TIMP2: variants seen among roughly 807,000 people sequenced by gnomAD.
The protein encoded by TIMP2 is metalloproteinase inhibitor 2.
Under a neutral mutation model 24.3 loss-of-function variants are expected in TIMP2, and 5 were observed. The ratio of observed to expected loss-of-function variants is 0.21; its 90% confidence interval spans 0.11 to 0.43. The LOEUF (loss-of-function observed/expected upper bound fraction) is 0.43. Ranked by LOEUF, TIMP2 falls within the 20% of genes least tolerant of loss-of-function variation. The probability of loss-of-function intolerance (pLI) is 1.00; values close to 1 mark genes in which losing one functional copy is unlikely to be tolerated. For missense variants in TIMP2, 221 were observed against 297.5 expected, an observed-to-expected ratio of 0.74 and a Z score of 1.89; for synonymous variants, 130 against 123.2, an observed-to-expected ratio of 1.06 and a Z score of -0.37.
Position 78,857,602 on chromosome 17 carries a change from A to G in TIMP2, c.385T>C (p.Phe129Leu). 6.2e-7 allele frequency: 1 copy of G among 1,614,180 alleles called. No individual in the cohort carries two copies. The highest frequency in any genetic ancestry group is 8.5e-7 in the Non-Finnish European group (1 of 1,180,034). ...DGKMHITLCD[F>L]IVPWDTLSTT... is the part of the protein sequence containing the mutation. ...CTCAGGGTGTCCCAGGGCACGATGA[A>G]GTCACAGAGGGTGATGTGCATCTTG... Residue 129 changes from phenylalanine (F) to leucine (L), a missense_variant, in exon 4 of 5, where the codon TTC (phenylalanine) becomes CTC (leucine). Phe to Leu is a conservative substitution (Grantham distance 22, BLOSUM62 0). Transcript: ENST00000262768.
At position 78,854,157 on chromosome 17, in the gene TIMP2, C is replaced by A. The variant is rs1419773605; in HGVS notation, c.*1510G>T. On this transcript the variant is annotated 3_prime_UTR_variant, in exon 5 of 5. Coordinates refer to ENST00000262768, the MANE Select transcript of TIMP2 (RefSeq NM_003255.5). ...CTAAGGTGGCTTTGGAAGCATTTTG[C>A]AAGACCACGCCCAGGCCGCCAAGCT... 6.6e-6 allele frequency: 1 copy of A among 152,094 alleles called. No individual in the cohort carries two copies. The highest frequency in any genetic ancestry group is 2.4e-5 in the African/African-American group (1 of 41,416). The allele number at this position is 152,094 out of a possible 1,614,324, so 9.4% of individuals were successfully genotyped here.
chr17:78,881,548 A>C (rs1023394055), intron 1 of TIMP2, among the ~76,000 whole-genome samples: 1 of 152,272 alleles, frequency 6.6e-6, no homozygotes, highest in South Asian at 2.1e-4. Flanking sequence ...CGTAGACGCA[A>C]ACGCGGTAAC....
At position 78,893,260 on chromosome 17, in the gene TIMP2, G is replaced by GGGGTGTGTGTGTAGGGGTGTGCGGGCAA. The variant is rs1491133899; in HGVS notation, c.131-19369_131-19342dup. Among the ~76,000 whole-genome samples the GGGGTGTGTGTGTAGGGGTGTGCGGGCAA allele has an allele frequency of 1.3e-3, 182 of 138,758 alleles. 1 individual carries two copies. The highest frequency in any genetic ancestry group is 4.9e-3 in the African/African-American group (174 of 35,554). 91.0% of individuals were successfully genotyped at this position (138,758 alleles called of 152,430 possible). ...ATGTGTGTGTAGGAGTGTGTGTGCA[G>GGGGTGTGTGTGTAGGGGTGTGCGGGCAA]GGGTGTGTGTGTAGGGGTGTGCGGG... On this transcript the variant is annotated intron_variant, in intron 1 of 4. Coordinates refer to ENST00000262768, the MANE Select transcript of TIMP2 (RefSeq NM_003255.5).
chr17:78,854,927 G>A lies in TIMP2; in HGVS notation c.*740C>T, dbSNP rs9905232. The A allele has an allele frequency of 7.8e-6, 1 of 127,918 alleles. No individual in the cohort carries two copies. The highest frequency in any genetic ancestry group is 1.7e-5 in the Non-Finnish European group (1 of 58,830). The allele number at this position is 127,918 out of a possible 1,614,324, so 7.9% of individuals were successfully genotyped here. A position where few individuals can be genotyped will look rare whatever the true frequency, so the allele number is the denominator to read the frequency against. On this transcript the variant is annotated 3_prime_UTR_variant, in exon 5 of 5. Transcript: ENST00000262768. ...AAGCTGGGGAGCATGTGGGCGGGGGGGGGGGGGTGGGGGGGTGGGTGCAGA... is the reference window on the plus strand; with the variant it reads ...AAGCTGGGGAGCATGTGGGCGGGGGAGGGGGGGTGGGGGGGTGGGTGCAGA...
chr17:78,910,888 A>T (rs1046610521), intron 1 of TIMP2, among the ~76,000 whole-genome samples: 1 of 152,146 alleles, frequency 6.6e-6, no homozygotes, highest in Admixed American at 6.5e-5. Context: ...GGTTGATTCC[A>T]TATCTTGGCT....
intron 1 of TIMP2, chr17:78,890,646 T>C (rs2069873237): frequency 1.9e-6 from 3 of 1,549,940 alleles, no homozygotes; most frequent in Non-Finnish European, 2.6e-6. Context: ...ATTTAGCATA[T>C]GTTCTGAAAC....
chr17:78,893,484 T>TGCAGGGGTGTGTGCGC (rs892891380), intron 1 of TIMP2, among the ~76,000 whole-genome samples: 3 of 150,942 alleles, frequency 2.0e-5, no homozygotes, highest in Non-Finnish European at 4.4e-5. Flanking sequence ...GCGGTGTGTG[T>TGCAGGGGTGTGTGCGC]GCAGGGGTGT....
intron 1 of TIMP2, among the ~76,000 whole-genome samples, chr17:78,902,146 G>A (rs1022509133): frequency 4.6e-5 from 7 of 152,136 alleles, no homozygotes; most frequent in Admixed American, 4.6e-4. Context: ...TCACTATGTT[G>A]CCCAGGCTGG....
At position 78,858,346 on chromosome 17, in the gene TIMP2, G is replaced by C. The variant is rs553498033; in HGVS notation, c.341-700C>G. Among the ~76,000 whole-genome samples, 793 of 152,012 alleles carry C rather than the reference G, an allele frequency of 5.2e-3. 8 individuals are homozygous for C. The highest frequency in any genetic ancestry group is 0.018 in the African/African-American group (745 of 41,462). ...TAGTCCCAGCTACTCAGGAGGCTGA[G>C]GTAGGAGAATGGCGTGAACCCGGGA... On this transcript the variant is annotated intron_variant, in intron 3 of 4. Coordinates refer to ENST00000262768, the MANE Select transcript of TIMP2 (RefSeq NM_003255.5).
chr17:78,894,517 TG>T (rs904683525), intron 1 of TIMP2, among the ~76,000 whole-genome samples: 14 of 152,162 alleles, frequency 9.2e-5, no homozygotes, highest in African/African-American at 3.4e-4. Context: ...TTGAGATTTT[TG>T]ACAAAGGTGC....
At chr17:78,893,995 T>C (rs1019782854) in intron 1 of TIMP2, among the ~76,000 whole-genome samples, 4 of 152,166 alleles carry the variant, frequency 2.6e-5, no homozygotes, top group African/African-American at 9.7e-5. Flanking sequence ...CCTTCCCTTC[T>C]TTCATCTTAG....
intron 1 of TIMP2, among the ~76,000 whole-genome samples, chr17:78,880,942 G>A (rs1238145397): frequency 6.6e-6 from 1 of 152,186 alleles, no homozygotes; most frequent in Non-Finnish European, 1.5e-5. Flanking sequence ...CTCTCCCCGG[G>A]GCACTCCACA....
Position 78,896,403 on chromosome 17 carries a change from C to T in TIMP2, c.131-22484G>A, listed in dbSNP as rs1370744236. ...GTCTCTCCAGCCCTGCCAGACAGGA[C>T]GTCGGGTGCCCTTGGCAGGACACTT... On this transcript the variant is annotated intron_variant, in intron 1 of 4. Transcript: ENST00000262768. The surrounding 1 kb of genome is among the most constrained non-coding windows in gnomAD (Gnocchi z 4.4). 6.6e-6 allele frequency among the ~76,000 whole-genome samples: 1 copy of T among 152,176 alleles called. No individual in the cohort carries two copies. The highest frequency in any genetic ancestry group is 2.4e-5 in the African/African-American group (1 of 41,432).
intron 3 of TIMP2, among the ~76,000 whole-genome samples, chr17:78,867,984 C>T (rs1395554330): frequency 3.9e-5 from 6 of 152,164 alleles, no homozygotes; most frequent in East Asian, 3.9e-4. Context: ...TCTCCCCATT[C>T]GGAACATCTG....
At chr17:78,905,460 G>T (rs1354157581) in intron 1 of TIMP2, among the ~76,000 whole-genome samples, 1 of 152,220 alleles carries the variant, frequency 6.6e-6, no homozygotes, top group Non-Finnish European at 1.5e-5. Flanking sequence ...TCTTCTATAT[G>T]CTTCTTCCTC....
In TIMP2 at chr17:78,893,337, ATG is replaced by A. The variant is rs567441949; in HGVS notation, c.131-19420_131-19419del. On this transcript the variant is annotated intron_variant, in intron 1 of 4. Coordinates refer to ENST00000262768, the MANE Select transcript of TIMP2 (RefSeq NM_003255.5). The stretch of plus-strand genomic sequence containing the variant: ...TGCAAGGGTGTGTGTGTCTCCATGC[ATG>A]TGTGTGCAGGGGTGTGTGTGCAGGG... 2.0e-4 allele frequency among the ~76,000 whole-genome samples: 20 copies of A among 101,738 alleles called. No homozygotes were observed. In the East Asian group the frequency reaches 6.2e-3, roughly 31 times the overall value. 66.7% of individuals were successfully genotyped at this position (101,738 alleles called of 152,430 possible).
At chr17:78,899,468 G>A (rs891408509) in intron 1 of TIMP2, 2 of 152,286 alleles carry the variant, frequency 1.3e-5, no homozygotes, top group African/African-American at 4.8e-5. Context: ...TGAAGGGGTA[G>A]ATTCCTGGGC....
intron 1 of TIMP2, among the ~76,000 whole-genome samples, chr17:78,917,983 G>A (rs1221371672): frequency 6.6e-6 from 1 of 152,050 alleles, no homozygotes; most frequent in East Asian, 1.9e-4. Flanking sequence ...GCAGTGACTT[G>A]ACGTTTGGAG....
chr17:78,896,565 G>T lies in TIMP2; in HGVS notation c.131-22646C>A, dbSNP rs904479982. 6.6e-6 allele frequency among the ~76,000 whole-genome samples: 1 copy of T among 152,138 alleles called. No individual in the cohort carries two copies. The highest frequency in any genetic ancestry group is 6.5e-5 in the Admixed American group (1 of 15,274). On this transcript the variant is annotated intron_variant, in intron 1 of 4. Transcript: ENST00000262768. The surrounding 1 kb of genome is among the most constrained non-coding windows in gnomAD (Gnocchi z 4.4). ...CGCTCCTCTGTCCTCCACATCCTCT[G>T]AGTGTTCTGAGCATCCTGGGCTGCT...
Sources: gnomAD v4.1 joint callset for allele counts (sites outside exome capture counted in the v4.1 genomes callset) on GRCh38, gnomAD v4.1.1 for gene constraint, Gnocchi (gnomAD v3.1) non-coding constraint, MANE v1.5 for transcripts, NCBI Gene and HGNC (gene_info 2026-07-23, HGNC 2026-07-21) for gene names.